DGKB: variants seen among roughly 807,000 people sequenced by gnomAD.
DGKB encodes the protein 90 kDa diacylglycerol kinase.
Under a neutral mutation model 114.3 loss-of-function variants are expected in DGKB, and 67 were observed. The ratio of observed to expected loss-of-function variants is 0.59; its 90% confidence interval spans 0.48 to 0.72. The LOEUF is 0.72. Among genes scored for constraint, DGKB ranks in the 30% least tolerant of loss-of-function variants. The pLI, the probability that DGKB is intolerant of heterozygous loss-of-function variation, is 0.00. For synonymous variants in DGKB, 398 were observed against 323.1 expected (o/e 1.23, Z -2.49); for missense variants, 907 against 975.2 (o/e 0.93, Z 0.93).
chr7:14,765,004 T>A (rs2128460757), intron 2 of DGKB, among the ~76,000 whole-genome samples: 1 of 152,134 alleles, frequency 6.6e-6, no homozygotes, highest in South Asian at 2.1e-4. Context: ...GAAGTTTTTA[T>A]CTACTTGTGT....
At chr7:14,621,532 G>A in intron 14 of DGKB, 38 bp from the exon 15 acceptor site, 1 of 1,203,488 alleles carries the variant, frequency 8.3e-7, no homozygotes, top group Non-Finnish European at 1.2e-6. Context: ...TAAAAATTAG[G>A]AAAATAACAT....
At chr7:14,461,170 C>G (rs1017372940) in intron 21 of DGKB, among the ~76,000 whole-genome samples, 1 of 152,096 alleles carries the variant, frequency 6.6e-6, no homozygotes, top group Non-Finnish European at 1.5e-5. Context: ...AATCAACACC[C>G]TAACATCACA....
chr7:14,274,735 G>T (rs758548227), intron 23 of DGKB, among the ~76,000 whole-genome samples: 1 of 151,934 alleles, frequency 6.6e-6, no homozygotes, highest in African/African-American at 2.4e-5. Flanking sequence ...CTTTCTTCTT[G>T]TTGTGTTCTC....
intron 20 of DGKB, among the ~76,000 whole-genome samples, chr7:14,569,939 T>C (rs1798127789): frequency 6.6e-6 from 1 of 151,614 alleles, no homozygotes; most frequent in Non-Finnish European, 1.5e-5. Context: ...TTAGATACTT[T>C]CAATTTTTTT....
intron 21 of DGKB, among the ~76,000 whole-genome samples, chr7:14,358,417 G>T (rs992731582): frequency 6.6e-6 from 1 of 151,902 alleles, no homozygotes; most frequent in Non-Finnish European, 1.5e-5. Context: ...CGTAGTTCTC[G>T]TGCCATGGTT....
intron 25 of DGKB, among the ~76,000 whole-genome samples, chr7:14,152,103 T>G (rs1782298241): frequency 6.6e-6 from 1 of 152,062 alleles, no homozygotes; most frequent in Admixed American, 6.6e-5. Flanking sequence ...CATTGAACAT[T>G]CTTGCTTTTT....
intron 21 of DGKB, among the ~76,000 whole-genome samples, chr7:14,397,918 T>C (rs965777132): frequency 2.6e-5 from 4 of 152,252 alleles, no homozygotes; most frequent in Non-Finnish European, 5.9e-5. Flanking sequence ...GGGAGTCTTC[T>C]CTTTTGTTTG....
At chr7:14,777,240 C>A (rs1838331991) in intron 2 of DGKB, among the ~76,000 whole-genome samples, 1 of 152,042 alleles carries the variant, frequency 6.6e-6, no homozygotes, top group Non-Finnish European at 1.5e-5. Context: ...CTTGCCTTGT[C>A]TCAGATGAGA....
At chr7:14,597,683 T>C (rs1428879647) in intron 17 of DGKB, among the ~76,000 whole-genome samples, 1 of 152,140 alleles carries the variant, frequency 6.6e-6, no homozygotes, top group Admixed American at 6.6e-5. Flanking sequence ...AAAGACTGGC[T>C]GAAGGACTGT....
chr7:14,657,197 T>C (rs1012109560), intron 13 of DGKB, among the ~76,000 whole-genome samples: 1 of 151,874 alleles, frequency 6.6e-6, no homozygotes, highest in African/African-American at 2.4e-5. Context: ...TGTACACATG[T>C]TTTATAAATA....
chr7:14,842,211 T>C (rs1250442760), intron 1 of DGKB, among the ~76,000 whole-genome samples: 1 of 152,228 alleles, frequency 6.6e-6, no homozygotes, highest in East Asian at 1.9e-4. Flanking sequence ...AAAATTGTAA[T>C]CATTGCAAGG....
At chr7:14,156,853 A>T (rs1225986234) in intron 25 of DGKB, among the ~76,000 whole-genome samples, 1 of 152,186 alleles carries the variant, frequency 6.6e-6, no homozygotes, top group Non-Finnish European at 1.5e-5. Context: ...GAAATTCTGA[A>T]TTAGAATGTA....
chr7:14,567,759 T>C (rs1369541823), intron 20 of DGKB, among the ~76,000 whole-genome samples: 1 of 150,462 alleles, frequency 6.6e-6, no homozygotes, highest in African/African-American at 2.4e-5. Flanking sequence ...GGCATGTGCC[T>C]CCATGCCCAG....
chr7:14,326,164 C>T (rs969888028), intron 23 of DGKB, among the ~76,000 whole-genome samples: 9 of 151,568 alleles, frequency 5.9e-5, no homozygotes, highest in Admixed American at 4.6e-4. Context: ...ACTCAGTAGC[C>T]TTCAATGTCT....
intron 1 of DGKB, among the ~76,000 whole-genome samples, chr7:14,859,361 T>C (rs1447266321): frequency 6.6e-6 from 1 of 152,150 alleles, no homozygotes; most frequent in Non-Finnish European, 1.5e-5. Context: ...CAGTTATATG[T>C]GAAAGCCACA....
At chr7:14,486,360 G>T (rs12699621) in intron 20 of DGKB, among the ~76,000 whole-genome samples, 2 of 152,018 alleles carry the variant, frequency 1.3e-5, no homozygotes, top group African/African-American at 2.4e-5. Context: ...AAAGTCTGTG[G>T]GAAACCACAT....
intron 4 of DGKB, among the ~76,000 whole-genome samples, chr7:14,746,623 C>T (rs1723255): frequency 0.36 from 54,047 of 151,884 alleles, 13,319 homozygotes; most frequent in African/African-American, 0.69. Context: ...CTCAGCCTCC[C>T]GAATAGTTGG....
intron 20 of DGKB, among the ~76,000 whole-genome samples, chr7:14,549,781 G>C (rs552109741): frequency 3.3e-5 from 5 of 152,312 alleles, no homozygotes; most frequent in Admixed American, 6.5e-5. Flanking sequence ...AAGGTCAAGA[G>C]ATCGAGACCA....
At chr7:14,857,154 T>C (rs1850268361) in intron 1 of DGKB, among the ~76,000 whole-genome samples, 1 of 151,858 alleles carries the variant, frequency 6.6e-6, no homozygotes, top group African/African-American at 2.4e-5. Flanking sequence ...TTTTTAAAAA[T>C]AAGGTCTAGA....
Sources: allele counts gnomAD v4.1 joint callset (sites outside exome capture counted in the v4.1 genomes callset), GRCh38; gene constraint gnomAD v4.1.1; transcripts MANE v1.5; gene names NCBI Gene and HGNC (gene_info 2026-07-23, HGNC 2026-07-21).